The following EPHA3 variants were observed in gnomAD, a reference collection of about 807,000 sequenced individuals.
The protein encoded by EPHA3 is ephrin type-A receptor 3.
A neutral mutation model predicts 107.1 loss-of-function variants in EPHA3; 42 were observed. The ratio of observed to expected loss-of-function variants is 0.39; its 90% CI spans 0.31 to 0.51. EPHA3 has a LOEUF of 0.51. Ranked by LOEUF, EPHA3 falls within the 20% of genes least tolerant of loss-of-function variation. The pLI, the probability that EPHA3 is intolerant of heterozygous loss-of-function variation, is 0.78. For synonymous variants in EPHA3, 461 were observed against 424.8 expected, an observed-to-expected ratio of 1.09 and a Z score of -1.05; for missense variants, 1,183 against 1,211.2, an observed-to-expected ratio of 0.98 and a Z score of 0.35.
chr3:89,390,812 T>C (rs1360942715), intron 5 of EPHA3, among the ~76,000 whole-genome samples: 1 of 127,996 alleles, frequency 7.8e-6, no homozygotes, highest in East Asian at 2.1e-4. Flanking sequence ...GAGACAGAGT[T>C]TTACTCTTGT....
chr3:89,466,840 A>C (rs1360396470), intron 15 of EPHA3, among the ~76,000 whole-genome samples: 1 of 145,770 alleles, frequency 6.9e-6, no homozygotes, highest in East Asian at 1.9e-4. Context: ...CTATTCGGCC[A>C]TCTTGGCTCC....
At chr3:89,287,919 T>G (rs1172260838) in intron 3 of EPHA3, among the ~76,000 whole-genome samples, 1 of 152,096 alleles carries the variant, frequency 6.6e-6, no homozygotes, top group Non-Finnish European at 1.5e-5. Context: ...CCATCTTTTA[T>G]TTTTTCTGAC....
rs997835826 is a variant in EPHA3, at chr3:89,460,786, C to T, written c.2690+10416C>T. ...TGATACAGAACCTTTTAGAGGGAATCGAATATGCCGAATACCCAAGTGATC... is the reference window on the plus strand; with the variant it reads ...TGATACAGAACCTTTTAGAGGGAATTGAATATGCCGAATACCCAAGTGATC... On this transcript the variant is annotated intron_variant, in intron 15 of 16. Coordinates refer to ENST00000336596, the MANE Select transcript of EPHA3 (RefSeq NM_005233.6). Among the ~76,000 whole-genome samples the T allele has an allele frequency of 5.2e-4, 74 of 142,282 alleles. 1 individual carries two copies. The highest frequency in any genetic ancestry group is 1.5e-3 in the African/African-American group (55 of 37,706). 93.3% of individuals were successfully genotyped at this position (142,282 alleles called of 152,430 possible). A position where few individuals can be genotyped will look rare whatever the true frequency, so the allele number is the denominator to read the frequency against.
At chr3:89,138,562 G>A (rs1303872487) in intron 2 of EPHA3, among the ~76,000 whole-genome samples, 1 of 151,828 alleles carries the variant, frequency 6.6e-6, no homozygotes, top group Non-Finnish European at 1.5e-5. Flanking sequence ...AGACTGTGAT[G>A]AATTTTGTGT....
At chr3:89,264,592 G>C (rs1705493793) in intron 3 of EPHA3, among the ~76,000 whole-genome samples, 1 of 152,016 alleles carries the variant, frequency 6.6e-6, no homozygotes, top group Non-Finnish European at 1.5e-5. Context: ...TTGCTTACTA[G>C]AAATTATAAA....
At chr3:89,290,054 A>G (rs1370764191) in intron 3 of EPHA3, among the ~76,000 whole-genome samples, 1 of 152,130 alleles carries the variant, frequency 6.6e-6, no homozygotes, top group African/African-American at 2.4e-5. Flanking sequence ...ATCAAAGATA[A>G]TGTCAAATAA....
chr3:89,409,808 A>G (rs1166387367), intron 9 of EPHA3, among the ~76,000 whole-genome samples: 1 of 152,108 alleles, frequency 6.6e-6, no homozygotes, highest in Non-Finnish European at 1.5e-5. Flanking sequence ...TCAAAAGGAA[A>G]GAAATGTGTT....
chr3:89,450,411 TTG>T, intron 15 of EPHA3, 41 bp downstream of exon 15: 1 of 1,577,376 alleles, frequency 6.3e-7, no homozygotes, highest in Non-Finnish European at 8.6e-7. Context: ...ACTCTGAAAT[TTG>T]TGTTTGCTAT....
intron 7 of EPHA3, among the ~76,000 whole-genome samples, chr3:89,406,634 T>C (rs1709059767): frequency 6.6e-6 from 1 of 152,174 alleles, no homozygotes; most frequent in African/African-American, 2.4e-5. Flanking sequence ...CTTTTGACTT[T>C]TTACAACTGT....
At chr3:89,216,772 A>T (rs1171053821) in intron 3 of EPHA3, among the ~76,000 whole-genome samples, 1 of 152,146 alleles carries the variant, frequency 6.6e-6, no homozygotes, top group East Asian at 1.9e-4. Flanking sequence ...CTGTGTTTTC[A>T]ACTTTCAAGA....
chr3:89,203,038 T>C (rs951521737), intron 2 of EPHA3, among the ~76,000 whole-genome samples: 1 of 152,116 alleles, frequency 6.6e-6, no homozygotes, highest in Non-Finnish European at 1.5e-5. Context: ...GGGCTGAACA[T>C]GAGACCATGC....
intron 11 of EPHA3, among the ~76,000 whole-genome samples, chr3:89,425,113 C>T (rs1013279294): frequency 1.7e-4 from 26 of 150,984 alleles, no homozygotes; most frequent in African/African-American, 5.1e-4. Context: ...AACTCATAGA[C>T]GTAATAGGGG....
At chr3:89,177,141 A>C (rs1705338859) in intron 2 of EPHA3, among the ~76,000 whole-genome samples, 1 of 152,054 alleles carries the variant, frequency 6.6e-6, no homozygotes, top group South Asian at 2.1e-4. Flanking sequence ...AATCATCTGA[A>C]ATTTCCTAAA....
intron 2 of EPHA3, among the ~76,000 whole-genome samples, chr3:89,166,250 G>A (rs1705061367): frequency 6.6e-6 from 1 of 152,036 alleles, no homozygotes; most frequent in Non-Finnish European, 1.5e-5. Flanking sequence ...ATCAAAATTT[G>A]TAATTATTTA....
intron 15 of EPHA3, among the ~76,000 whole-genome samples, chr3:89,471,741 G>A (rs75537123): frequency 0.066 from 10,020 of 151,864 alleles, 397 homozygotes; most frequent in Middle Eastern, 0.11. Flanking sequence ...GTGTGTGTGT[G>A]TATGTGTGTG....
intron 3 of EPHA3, among the ~76,000 whole-genome samples, chr3:89,252,485 C>A (rs1174292945): frequency 3.3e-5 from 5 of 152,086 alleles, no homozygotes; most frequent in African/African-American, 9.7e-5. Context: ...TGCCTGTAAT[C>A]CCAACACTTT....
chr3:89,135,823 G>A (rs1180658171), intron 2 of EPHA3, among the ~76,000 whole-genome samples: 1 of 151,276 alleles, frequency 6.6e-6, no homozygotes, highest in Non-Finnish European at 1.5e-5. Context: ...TTATCAAGGG[G>A]AAAAAAGTGA....
intron 2 of EPHA3, among the ~76,000 whole-genome samples, chr3:89,136,132 A>G (rs1704304653): frequency 6.6e-6 from 1 of 152,094 alleles, no homozygotes; most frequent in East Asian, 1.9e-4. Context: ...TTTATGAATC[A>G]CAGTCCAAAT....
At chr3:89,437,788 G>A (rs952482940) in intron 13 of EPHA3, among the ~76,000 whole-genome samples, 1 of 152,084 alleles carries the variant, frequency 6.6e-6, no homozygotes, top group Non-Finnish European at 1.5e-5. Flanking sequence ...ATCTTATTTA[G>A]ATGCTGGGTA....
Sources: gnomAD v4.1 joint callset for allele counts (sites outside exome capture counted in the v4.1 genomes callset) on GRCh38, gnomAD v4.1.1 for gene constraint, MANE v1.5 for transcripts, NCBI Gene and HGNC (gene_info 2026-07-23, HGNC 2026-07-21) for gene names.